Variants in INSR observed in about 807,000 individuals in gnomAD.
INSR encodes the protein insulin receptor.
INSR carries 67 observed loss-of-function variants against 142.6 expected under a neutral mutation model. The ratio of observed to expected loss-of-function variants is 0.47; its 90% CI spans 0.39 to 0.58. The LOEUF (loss-of-function observed/expected upper bound fraction) is 0.58, where lower values mean the gene tolerates loss of function less well. Ranked by LOEUF, INSR falls within the 20% of genes least tolerant of loss-of-function variation. The pLI is 0.00. For missense variants in INSR, 1,248 were observed against 1,833.2 expected (o/e 0.68, Z 5.83); for synonymous variants, 756 against 743.1 (o/e 1.02, Z -0.28).
chr19:7,175,641 C>T (rs888882122), intron 3 of INSR, among the ~76,000 whole-genome samples: 2 of 152,048 alleles, frequency 1.3e-5, no homozygotes, highest in Non-Finnish European at 2.9e-5. Flanking sequence ...TCAAGACCAG[C>T]CTGGCCAACA....
At chr19:7,153,165 A>AC (rs1973452638) in intron 9 of INSR, among the ~76,000 whole-genome samples, 1 of 16,194 alleles carries the variant, frequency 6.2e-5, no homozygotes. Context: ...CACCACACAT[A>AC]CACACACCAC....
intron 9 of INSR, among the ~76,000 whole-genome samples, chr19:7,154,168 T>TAATA (rs1019692344): frequency 6.0e-5 from 9 of 150,858 alleles, no homozygotes; most frequent in East Asian, 5.9e-4. Flanking sequence ...CTCAAAAAAA[T>TAATA]AATAAATAAA....
intron 2 of INSR, among the ~76,000 whole-genome samples, chr19:7,215,582 T>TTTATTTA (rs879885858): frequency 1.1e-4 from 7 of 61,776 alleles, no homozygotes; most frequent in South Asian, 6.3e-4. Context: ...TTATTTATTT[T>TTTATTTA]TTTGAGATGG....
chr19:7,143,827 G>A (rs2144864909), intron 11 of INSR, among the ~76,000 whole-genome samples: 1 of 152,300 alleles, frequency 6.6e-6, no homozygotes, highest in Non-Finnish European at 1.5e-5. Flanking sequence ...GGCCAAGGCG[G>A]GCAGATAACC....
intron 21 of INSR, among the ~76,000 whole-genome samples, chr19:7,118,750 C>CAA (rs35928600): frequency 0.46 from 59,431 of 128,848 alleles, 13,924 homozygotes; most frequent in Admixed American, 0.56. Flanking sequence ...ACTAAAAATA[C>CAA]AAAAAAAAAA....
At chr19:7,142,262 C>G (rs923921834) in intron 12 of INSR, among the ~76,000 whole-genome samples, 1 of 150,456 alleles carries the variant, frequency 6.6e-6, no homozygotes, top group Non-Finnish European at 1.5e-5. Context: ...TGGTGGCACA[C>G]GCATGTAGTC....
At chr19:7,147,415 T>C (rs369061958) in intron 11 of INSR, among the ~76,000 whole-genome samples, 1 of 152,306 alleles carries the variant, frequency 6.6e-6, no homozygotes, top group South Asian at 2.1e-4. Flanking sequence ...CCTCAGGTGA[T>C]CCGCCTGCCT....
At chr19:7,236,151 G>A (rs867302222) in intron 2 of INSR, among the ~76,000 whole-genome samples, 10 of 131,416 alleles carry the variant, frequency 7.6e-5, no homozygotes, top group Admixed American at 1.5e-4. Context: ...GAGTAGAGAC[G>A]GGGTTTCACC....
At chr19:7,245,481 GCT>G (rs772889725) in intron 2 of INSR, among the ~76,000 whole-genome samples, 43 of 151,952 alleles carry the variant, frequency 2.8e-4, no homozygotes, top group Non-Finnish European at 5.1e-4. Context: ...ACAGAATCTC[GCT>G]CTGTCACCCA....
At position 7,126,628 on chromosome 19, in the gene INSR, G is replaced by A. The variant is rs868684642; in HGVS notation, c.2969C>T (p.Pro990Leu). Residue 990 changes from proline (P) to leucine (L), a missense_variant, in exon 16 of 22, where the codon CCG (proline) becomes CTG (leucine). By Grantham distance (98) the Pro-to-Leu change is moderately conservative. Transcript: ENST00000302850. ...RKRQPDGPLG[P>L]LYASSNPEYL... ...CTCAGGGTTTGAAGAAGCGTAAAGCGGTCCCAGCGGCCCATCTGGCTGCCT... is the reference window on the plus strand; with the variant it reads ...CTCAGGGTTTGAAGAAGCGTAAAGCAGTCCCAGCGGCCCATCTGGCTGCCT... 6.4e-6 allele frequency: 10 copies of A among 1,565,738 alleles called. No individual in the cohort carries two copies. The highest frequency in any genetic ancestry group is 1.2e-5 in the South Asian group (1 of 85,188).
intron 12 of INSR, 23 bp downstream of exon 12, chr19:7,142,793 G>A (rs988598125): frequency 5.0e-6 from 8 of 1,613,014 alleles, no homozygotes; most frequent in South Asian, 3.3e-5. Context: ...CATGACACTC[G>A]GACCCCGGAG....
chr19:7,113,108 A>C lies in INSR; in HGVS notation c.*3948T>G, dbSNP rs1972244602. 1 of 152,236 alleles carries C rather than the reference A, an allele frequency of 6.6e-6. No homozygotes were observed. Among genetic ancestry groups the C allele is most frequent in the Non-Finnish European group, 1.5e-5 (1 of 68,056 alleles). The allele number at this position is 152,236 out of a possible 1,614,324, so 9.4% of individuals were successfully genotyped here. A position where few individuals can be genotyped will look rare whatever the true frequency, so the allele number is the denominator to read the frequency against. The stretch of plus-strand genomic sequence containing the variant: ...CCTAAACTTCCACCCACTGTGAAGG[A>C]GAGAAATGATTAGCACTGGGACTAC... On this transcript the variant is annotated 3_prime_UTR_variant, in exon 22 of 22. Coordinates refer to ENST00000302850, the MANE Select transcript of INSR (RefSeq NM_000208.4).
Position 7,142,941 on chromosome 19 carries a change from G to A in INSR, c.2417C>T (p.Ser806Leu), listed in dbSNP as rs1415079005. The change falls in exon 12 of 22, where the codon TCG becomes TTG. Residue 806 changes from serine (S) to leucine (L), a missense_variant. By Grantham distance (145) the Ser-to-Leu change is moderately radical. This residue lies in a region of INSR where 1,069 missense variants were observed against 1,654.0 expected (regional missense o/e 0.65). Coordinates refer to ENST00000302850, the MANE Select transcript of INSR (RefSeq NM_000208.4). Reference sequence around the variant, plus strand: ...GTGTCGCAAGCCGGAGATGACCAGCGACTCCTTGTTCACCACCTTCTCAAA... The same window carrying A: ...GTGTCGCAAGCCGGAGATGACCAGCAACTCCTTGTTCACCACCTTCTCAAA... ...RPFEKVVNKE[S>L]LVISGLRHFT... 9 of 1,614,022 alleles carry A rather than the reference G, an allele frequency of 5.6e-6. No individual in the cohort carries two copies. Among genetic ancestry groups the A allele is most frequent in the Admixed American group, 1.7e-5 (1 of 59,994 alleles).
chr19:7,153,356 C>CATACACACACCACAAACACA (rs1568449970), intron 9 of INSR, among the ~76,000 whole-genome samples: 32 of 105,396 alleles, frequency 3.0e-4, no homozygotes, highest in Middle Eastern at 4.7e-3. Flanking sequence ...ACAGACCACA[C>CATACACACACCACAAACACA]ACCACACACC....
At chr19:7,128,255 C>T (rs377327746) in intron 15 of INSR, among the ~76,000 whole-genome samples, 1 of 151,664 alleles carries the variant, frequency 6.6e-6, no homozygotes, top group East Asian at 1.9e-4. Flanking sequence ...CTCTGTCGCC[C>T]AGGCTAGAAT....
chr19:7,193,753 G>A (rs1390053862), intron 2 of INSR, among the ~76,000 whole-genome samples: 1 of 151,948 alleles, frequency 6.6e-6, no homozygotes, highest in Non-Finnish European at 1.5e-5. Context: ...GCAGTGGCAT[G>A]ATCTTGGTTC....
At chr19:7,251,477 T>A (rs1976726143) in intron 2 of INSR, among the ~76,000 whole-genome samples, 1 of 151,464 alleles carries the variant, frequency 6.6e-6, no homozygotes, top group Non-Finnish European at 1.5e-5. Flanking sequence ...TCCAGGCTGG[T>A]CTCCAACTCT....
rs202098387 is a variant in INSR at position 7,225,702 on chromosome 19, C to CG, written c.653-41066_653-41065insC. Among the ~76,000 whole-genome samples the CG allele has an allele frequency of 0.079, 10,314 of 129,858 alleles. 806 individuals are homozygous for CG. The highest frequency in any genetic ancestry group is 0.3 in the East Asian group (1,137 of 3,818). 85.2% of individuals were successfully genotyped at this position (129,858 alleles called of 152,430 possible). On this transcript the variant is annotated intron_variant, in intron 2 of 21. Coordinates refer to ENST00000302850, the MANE Select transcript of INSR (RefSeq NM_000208.4). The surrounding 1 kb of genome is among the most constrained non-coding windows in gnomAD (Gnocchi z 4.7). ...TGATGGGCTCTTGGTTTCCATTTCC[C>CG]CCCCCTCAAAAAAAGAGCAGAGAAT... is the stretch of plus-strand genomic sequence containing the variant.
chr19:7,147,376 T>C lies in INSR; in HGVS notation c.2267+3121A>G, dbSNP rs139943925. 6.0e-3 allele frequency among the ~76,000 whole-genome samples: 915 copies of C among 152,230 alleles called. 6 individuals are homozygous for C. Among genetic ancestry groups the C allele is most frequent in the East Asian group, 0.041 (212 of 5,186 alleles). Reference sequence around the variant, plus strand: ...TTTTAGTAGAGAAGGGGTTTCACCATATTGGCCAGGCTGGTCTCAAACTCC... The same window carrying C: ...TTTTAGTAGAGAAGGGGTTTCACCACATTGGCCAGGCTGGTCTCAAACTCC... On this transcript the variant is annotated intron_variant, in intron 11 of 21. Coordinates refer to ENST00000302850, the MANE Select transcript of INSR (RefSeq NM_000208.4).
Sources: allele counts gnomAD v4.1 joint callset (sites outside exome capture counted in the v4.1 genomes callset), GRCh38; gene constraint gnomAD v4.1.1; regional missense constraint gnomAD v4.1.1; non-coding constraint Gnocchi (gnomAD v3.1); transcripts MANE v1.5; gene names NCBI Gene and HGNC (gene_info 2026-07-23, HGNC 2026-07-21).